IL6R: variants seen among roughly 807,000 people sequenced by gnomAD.
IL6R encodes the protein interleukin-6 receptor subunit alpha.
In IL6R, 38 loss-of-function variants were observed where a neutral mutation model predicts 48.3. That is an observed-to-expected ratio of 0.79 (90% CI 0.61 to 1.03). The LOEUF (loss-of-function observed/expected upper bound fraction) is 1.03, where lower values mean the gene tolerates loss of function less well. Among genes scored for constraint, IL6R ranks in the 50% least tolerant of loss-of-function variants. The probability of loss-of-function intolerance (pLI) is 0.00; values close to 1 mark genes in which losing one functional copy is unlikely to be tolerated. For missense variants in IL6R, 534 were observed against 618.3 expected, an observed-to-expected ratio of 0.86 and a Z score of 1.45; for synonymous variants, 264 against 256.2, an observed-to-expected ratio of 1.03 and a Z score of -0.29.
In IL6R at chr1:154,465,923, G is replaced by A. The variant is rs542107810; in HGVS notation, c.*543G>A. On this transcript the variant is annotated 3_prime_UTR_variant, in exon 10 of 10. Transcript: ENST00000368485. ...GGCTTTTACTTAAACCGCCAAGGCT[G>A]GGGGAAGAAGCTCTCTCCTCCCTTT... 8 of 156,006 alleles carry A rather than the reference G, an allele frequency of 5.1e-5. No homozygotes were observed. The highest frequency in any genetic ancestry group is 9.6e-5 in the African/African-American group (4 of 41,468). The allele number at this position is 156,006 out of a possible 1,614,324, so 9.7% of individuals were successfully genotyped here. A position where few individuals can be genotyped will look rare whatever the true frequency, so the allele number is the denominator to read the frequency against.
chr1:154,431,738 A>G (rs1014434841), intron 3 of IL6R, among the ~76,000 whole-genome samples: 1 of 152,066 alleles, frequency 6.6e-6, no homozygotes, highest in Non-Finnish European at 1.5e-5. Flanking sequence ...TAGAAGGAGG[A>G]TCAGCTGTTT....
At position 154,457,811 on chromosome 1, in the gene IL6R, T is replaced by C. The variant is rs189559263; in HGVS notation, c.1160+3230T>C. ...GACATTGCACTCTGTCCTTTCTACA[T>C]GTAGAGAGCTTTCTACACGTTAGCT... On this transcript the variant is annotated intron_variant, in intron 9 of 9. Coordinates refer to ENST00000368485, the MANE Select transcript of IL6R (RefSeq NM_000565.4). 4.5e-4 allele frequency among the ~76,000 whole-genome samples: 68 copies of C among 152,312 alleles called. 1 individual carries two copies. Among genetic ancestry groups the C allele is most frequent in the African/African-American group, 1.6e-3 (65 of 41,572 alleles).
chr1:154,405,844 C>T lies in IL6R; in HGVS notation c.85+130C>T. On this transcript the variant is annotated intron_variant, in intron 1 of 9. Transcript: ENST00000368485. This position sits in a 1 kb window ranked among gnomAD's most constrained non-coding sequence, Gnocchi z 5.2. ...GACGGATCCCCTTTTCTGTGGCTGC[C>T]TTGAGGCCCCGCGGGTACCTAGCTG... is the stretch of plus-strand genomic sequence containing the variant. 2.9e-6 allele frequency: 2 copies of T among 696,386 alleles called. No homozygotes were observed. The highest frequency in any genetic ancestry group is 2.0e-5 in the South Asian group (1 of 50,064). The allele number at this position is 696,386 out of a possible 1,614,324, so 43.1% of individuals were successfully genotyped here. A position where few individuals can be genotyped will look rare whatever the true frequency, so the allele number is the denominator to read the frequency against.
At chr1:154,444,719 A>T (rs187748831) in intron 6 of IL6R, among the ~76,000 whole-genome samples, 2 of 152,104 alleles carry the variant, frequency 1.3e-5, no homozygotes, top group Admixed American at 1.3e-4. Context: ...CACCATAAGG[A>T]GACCCTGTCT....
rs572237023 is a variant in IL6R at position 154,439,921 on chromosome 1, C to T, written c.949+3811C>T. ...TCTCTTTTTCTCTTTTTTTTTGAGA[C>T]GGAGTCTCACTCTGTCACCCACCCA... On this transcript the variant is annotated intron_variant, in intron 6 of 9. Transcript: ENST00000368485. Among the ~76,000 whole-genome samples the T allele has an allele frequency of 2.0e-3, 310 of 151,616 alleles. 1 individual carries two copies. Among genetic ancestry groups the T allele is most frequent in the African/African-American group, 7.2e-3 (295 of 41,258 alleles).
At chr1:154,433,407 C>T (rs1689418729) in intron 3 of IL6R, among the ~76,000 whole-genome samples, 1 of 152,318 alleles carries the variant, frequency 6.6e-6, no homozygotes, top group South Asian at 2.1e-4. Context: ...CTTTTCTGGA[C>T]TCACCTGCCA....
chr1:154,411,023 A>G (rs1407145736), intron 1 of IL6R, among the ~76,000 whole-genome samples: 2 of 152,190 alleles, frequency 1.3e-5, no homozygotes, highest in African/African-American at 4.8e-5. Flanking sequence ...GTAGGACAAG[A>G]TGAGAGGCCA....
intron 6 of IL6R, among the ~76,000 whole-genome samples, chr1:154,446,675 G>C (rs555604687): frequency 6.6e-6 from 1 of 152,294 alleles, no homozygotes; most frequent in African/African-American, 2.4e-5. Flanking sequence ...AGCCGTGAGG[G>C]TGCCTGGTCC....
chr1:154,449,117 G>A (rs1690443463), intron 7 of IL6R, among the ~76,000 whole-genome samples: 1 of 145,984 alleles, frequency 6.9e-6, no homozygotes, highest in African/African-American at 2.5e-5. Flanking sequence ...GGATGGTCTC[G>A]ATCTCCTGAC....
chr1:154,448,934 G>A (rs1219220907), intron 7 of IL6R, among the ~76,000 whole-genome samples: 2 of 129,462 alleles, frequency 1.5e-5, no homozygotes, highest in African/African-American at 2.8e-5. Context: ...TCGCCCAGGT[G>A]GGACTGCGGA....
At chr1:154,429,710 A>C (rs1172558651) in intron 2 of IL6R, among the ~76,000 whole-genome samples, 1 of 152,156 alleles carries the variant, frequency 6.6e-6, no homozygotes, top group Non-Finnish European at 1.5e-5. Flanking sequence ...GGAGTCAGGC[A>C]GCCTGGGTTT....
At chr1:154,418,821 G>T (rs551709993) in intron 1 of IL6R, among the ~76,000 whole-genome samples, 1 of 152,288 alleles carries the variant, frequency 6.6e-6, no homozygotes, top group Admixed American at 6.5e-5. Flanking sequence ...CCAAGGGCAC[G>T]ACTCCTGGCT....
At chr1:154,439,203 CACAAGCAGCTTAAAGCTTGTG>C (rs1424928493) in intron 6 of IL6R, among the ~76,000 whole-genome samples, 1 of 152,248 alleles carries the variant, frequency 6.6e-6, no homozygotes. Flanking sequence ...TTCAGATAGT[CACAAGCAGCTTAAAGCTTGTG>C]ACAAGCAGCT....
At chr1:154,435,257 C>G in intron 5 of IL6R, 101 bp downstream of exon 5, 1 of 1,177,126 alleles carries the variant, frequency 8.5e-7, no homozygotes, top group Non-Finnish European at 1.2e-6. Context: ...CGCCTGTAAT[C>G]CCGGCCCTTT....
In IL6R at chr1:154,429,389, CTA is replaced by C; in HGVS notation, c.281_282del (p.Tyr94PhefsTer39). ...RSVQLHDSGN[Y>X]SCYRAGRPAG... is the part of the protein sequence containing the mutation. The stretch of plus-strand genomic sequence containing the variant: ...CGGTGCAGCTCCACGACTCTGGAAA[CTA>C]TTCATGCTACCGGGCCGGCCGCCCA... On this transcript the variant is annotated frameshift_variant, in exon 2 of 10. Coordinates refer to ENST00000368485, the MANE Select transcript of IL6R (RefSeq NM_000565.4). LOFTEE classifies it high-confidence loss of function. 3 of 1,613,982 alleles carry C rather than the reference CTA, an allele frequency of 1.9e-6. No homozygotes were observed. Among genetic ancestry groups the C allele is most frequent in the Non-Finnish European group, 1.7e-6 (2 of 1,179,906 alleles).
intron 3 of IL6R, among the ~76,000 whole-genome samples, chr1:154,432,311 C>T (rs1162314347): frequency 3.3e-5 from 5 of 152,138 alleles, no homozygotes; most frequent in Non-Finnish European, 7.3e-5. Context: ...GCTTCCCAGG[C>T]CAGCCTGTGG....
intron 1 of IL6R, chr1:154,415,197 G>T (rs1440584994): frequency 1.5e-6 from 1 of 689,544 alleles, no homozygotes; most frequent in African/African-American, 1.8e-5. Flanking sequence ...CAAGGCGCCG[G>T]CTGCACTGTT....
chr1:154,453,644 T>C (rs1160449618), intron 8 of IL6R, among the ~76,000 whole-genome samples: 3 of 152,224 alleles, frequency 2.0e-5, no homozygotes, highest in Admixed American at 2.0e-4. Flanking sequence ...CGATCCTACT[T>C]TGTATTCGGC....
At chr1:154,416,761 A>T (rs758546952) in intron 1 of IL6R, among the ~76,000 whole-genome samples, 6 of 152,174 alleles carry the variant, frequency 3.9e-5, no homozygotes, top group Non-Finnish European at 7.3e-5. Flanking sequence ...TGGGGCCTGT[A>T]TGAAAAAGTG....
Sources: allele counts gnomAD v4.1 joint callset (sites outside exome capture counted in the v4.1 genomes callset), GRCh38; gene constraint gnomAD v4.1.1; non-coding constraint Gnocchi (gnomAD v3.1); transcripts MANE v1.5; gene names NCBI Gene and HGNC (gene_info 2026-07-23, HGNC 2026-07-21).